Variants in BMPER observed in about 807,000 individuals in gnomAD.
The protein encoded by BMPER is BMP-binding endothelial regulator protein.
A neutral mutation model predicts 87.3 loss-of-function variants in BMPER; 45 were observed. The observed-to-expected ratio is 0.52, with a 90% CI of 0.41 to 0.66. BMPER has a LOEUF of 0.66. Ranked by LOEUF, BMPER falls within the 30% of genes least tolerant of loss-of-function variation. The probability of loss-of-function intolerance (pLI) is 0.00; values close to 1 mark genes in which losing one functional copy is unlikely to be tolerated. For synonymous variants in BMPER, 326 were observed against 316.2 expected, an observed-to-expected ratio of 1.03 and a Z score of -0.33; for missense variants, 784 against 867.5, an observed-to-expected ratio of 0.90 and a Z score of 1.21.
intron 14 of BMPER, among the ~76,000 whole-genome samples, chr7:34,145,220 T>C (rs760623019): frequency 2.6e-5 from 4 of 152,128 alleles, no homozygotes; most frequent in Non-Finnish European, 5.9e-5. Flanking sequence ...GGAGGTAGGA[T>C]GATGGATTTT....
At chr7:33,989,659 CT>C (rs1786142243) in intron 6 of BMPER, among the ~76,000 whole-genome samples, 1 of 152,162 alleles carries the variant, frequency 6.6e-6, no homozygotes, top group African/African-American at 2.4e-5. Flanking sequence ...GTTGCCATTG[CT>C]TTTGGTGTTT....
At chr7:33,937,165 C>T in intron 2 of BMPER, 124 bp from the exon 3 acceptor site, 1 of 964,006 alleles carries the variant, frequency 1.0e-6, no homozygotes, top group South Asian at 1.4e-5. Flanking sequence ...TTTGCTCTCA[C>T]AGCGTCTTCT....
In BMPER at chr7:34,155,125, A is replaced by C. The variant is rs1791279011; in HGVS notation, c.*1852A>C. 6.6e-6 allele frequency: 1 copy of C among 152,214 alleles called. No individual in the cohort carries two copies. Among genetic ancestry groups the C allele is most frequent in the Non-Finnish European group, 1.5e-5 (1 of 68,062 alleles). The allele number at this position is 152,214 out of a possible 1,614,324, so 9.4% of individuals were successfully genotyped here. ...GAGACTTTGGGCAGTAATGGGAGGC[A>C]CTGAGGGTTTGCAAATACTTTCCTA... On this transcript the variant is annotated 3_prime_UTR_variant, in exon 15 of 15. Transcript: ENST00000649409.
At chr7:33,990,167 C>G (rs1033668381) in intron 6 of BMPER, among the ~76,000 whole-genome samples, 3 of 150,210 alleles carry the variant, frequency 2.0e-5, no homozygotes, top group Admixed American at 1.3e-4. Flanking sequence ...TCATTGGTAG[C>G]TTGATGGGGA....
intron 10 of BMPER, among the ~76,000 whole-genome samples, chr7:34,061,675 G>C (rs925613275): frequency 6.6e-6 from 1 of 152,146 alleles, no homozygotes; most frequent in South Asian, 2.1e-4. Context: ...GGCTAGATTT[G>C]GGTATCAATG....
intron 6 of BMPER, among the ~76,000 whole-genome samples, chr7:33,988,669 G>T (rs1786089150): frequency 6.6e-6 from 1 of 151,658 alleles, no homozygotes; most frequent in South Asian, 2.1e-4. Flanking sequence ...CATTGTGCAG[G>T]TTAGTCACAT....
chr7:34,115,188 A>G (rs544360578), intron 13 of BMPER, among the ~76,000 whole-genome samples: 2 of 152,354 alleles, frequency 1.3e-5, no homozygotes, highest in African/African-American at 4.8e-5. Flanking sequence ...GTGTACAAAA[A>G]TGACTTTAAT....
rs559597957 is a variant in BMPER at position 34,027,629 on chromosome 7, G to C, written c.577-18677G>C. On this transcript the variant is annotated intron_variant, in intron 6 of 14. Transcript: ENST00000649409. ...GAATTCCATTTTTACTTGAAAGCAT[G>C]ATTTGACAGACAAATTATGGTTATT... 5.1e-4 allele frequency among the ~76,000 whole-genome samples: 78 copies of C among 152,172 alleles called. 1 individual carries two copies. The highest frequency in any genetic ancestry group is 3.7e-3 in the Admixed American group (56 of 15,260).
chr7:34,139,640 C>T (rs557523385), intron 13 of BMPER, among the ~76,000 whole-genome samples: 87 of 152,266 alleles, frequency 5.7e-4, no homozygotes, highest in African/African-American at 1.9e-3. Flanking sequence ...TGGATTTGGT[C>T]GTATCTGTTT....
At chr7:34,033,535 C>T (rs1034253611) in intron 6 of BMPER, among the ~76,000 whole-genome samples, 3 of 152,138 alleles carry the variant, frequency 2.0e-5, no homozygotes, top group African/African-American at 7.2e-5. Flanking sequence ...CTTAATCTGC[C>T]TGTTTTTAAG....
intron 11 of BMPER, among the ~76,000 whole-genome samples, chr7:34,065,986 G>A (rs772501426): frequency 3.3e-5 from 5 of 152,288 alleles, no homozygotes; most frequent in South Asian, 2.1e-4. Flanking sequence ...GTTACCTGTG[G>A]TAGTTAAATA....
chr7:33,974,809 A>G, intron 6 of BMPER, 25 bp downstream of exon 6: 1 of 1,609,306 alleles, frequency 6.2e-7, no homozygotes, highest in Non-Finnish European at 8.5e-7. Flanking sequence ...GGATGTTCCC[A>G]GGGTGTCCTT....
chr7:33,988,320 C>G (rs1786073608), intron 6 of BMPER, among the ~76,000 whole-genome samples: 1 of 152,070 alleles, frequency 6.6e-6, no homozygotes, highest in Non-Finnish European at 1.5e-5. Flanking sequence ...GGAGGGGACT[C>G]TTGAGAATTT....
At chr7:33,965,934 G>A (rs1004032195) in intron 3 of BMPER, among the ~76,000 whole-genome samples, 1 of 152,180 alleles carries the variant, frequency 6.6e-6, no homozygotes, top group Non-Finnish European at 1.5e-5. Flanking sequence ...TAAAAAGTAA[G>A]TATGAAATTA....
intron 13 of BMPER, among the ~76,000 whole-genome samples, chr7:34,125,828 G>T (rs1205332636): frequency 6.6e-6 from 1 of 152,194 alleles, no homozygotes; most frequent in East Asian, 1.9e-4. Context: ...ATTATATTTA[G>T]ATACAATGGA....
chr7:34,091,201 A>G (rs1022986927), intron 13 of BMPER, among the ~76,000 whole-genome samples: 1 of 152,228 alleles, frequency 6.6e-6, no homozygotes, highest in Non-Finnish European at 1.5e-5. Context: ...CTGATCACTT[A>G]TTATAAAGCA....
chr7:33,918,902 G>T (rs1253122103), intron 2 of BMPER, among the ~76,000 whole-genome samples: 3 of 152,170 alleles, frequency 2.0e-5, no homozygotes, highest in Non-Finnish European at 4.4e-5. Flanking sequence ...GAGCTGGCTG[G>T]CAGGGAAGGG....
intron 14 of BMPER, among the ~76,000 whole-genome samples, chr7:34,148,854 C>G (rs777248831): frequency 1.3e-5 from 2 of 152,144 alleles, no homozygotes; most frequent in Non-Finnish European, 2.9e-5. Flanking sequence ...AGTTTTTATA[C>G]TACCAGGAAT....
intron 7 of BMPER, among the ~76,000 whole-genome samples, chr7:34,050,622 T>C (rs2127959933): frequency 6.6e-6 from 1 of 152,302 alleles, no homozygotes; most frequent in Admixed American, 6.5e-5. Context: ...GCTATTAATC[T>C]TTTACAAGAA....
Sources: gnomAD v4.1 joint callset for allele counts (sites outside exome capture counted in the v4.1 genomes callset) on GRCh38, gnomAD v4.1.1 for gene constraint, MANE v1.5 for transcripts, NCBI Gene and HGNC (gene_info 2026-07-23, HGNC 2026-07-21) for gene names.